The following ZHX2 variants were observed in gnomAD, a reference collection of about 807,000 sequenced individuals.
ZHX2 encodes zinc fingers and homeoboxes protein 2.
Under a neutral mutation model 21.9 loss-of-function variants are expected in ZHX2, and 6 were observed. The ratio of observed to expected loss-of-function variants is 0.27; its 90% CI spans 0.15 to 0.54. The LOEUF is 0.54. Ranked by LOEUF, ZHX2 falls within the 20% of genes least tolerant of loss-of-function variation. The pLI, the probability that ZHX2 is intolerant of heterozygous loss-of-function variation, is 0.95. For synonymous variants in ZHX2, 434 were observed against 437.1 expected (o/e 0.99, Z 0.09); for missense variants, 908 against 1,090.7 (o/e 0.83, Z 2.36).
intron 1 of ZHX2, among the ~76,000 whole-genome samples, chr8:122,826,009 C>T (rs967828579): frequency 9.9e-5 from 15 of 152,138 alleles, no homozygotes; most frequent in African/African-American, 3.4e-4. Flanking sequence ...AAAAGAAGCC[C>T]ATTATTCCCG....
intron 2 of ZHX2, among the ~76,000 whole-genome samples, chr8:122,900,731 C>T (rs983504382): frequency 4.6e-5 from 7 of 152,132 alleles, no homozygotes; most frequent in African/African-American, 1.7e-4. Context: ...TCACATAGTA[C>T]CACTGAGTAT....
At chr8:122,827,843 G>A (rs916942401) in intron 1 of ZHX2, among the ~76,000 whole-genome samples, 5 of 152,230 alleles carry the variant, frequency 3.3e-5, no homozygotes, top group African/African-American at 7.2e-5. Context: ...TGGATGCAGT[G>A]GCTCATGGCT....
intron 2 of ZHX2, among the ~76,000 whole-genome samples, chr8:122,930,430 C>T (rs1820955874): frequency 6.6e-6 from 1 of 152,196 alleles, no homozygotes; most frequent in African/African-American, 2.4e-5. Context: ...AATTAAAAAT[C>T]ATGCCTTTTT....
intron 2 of ZHX2, among the ~76,000 whole-genome samples, chr8:122,917,032 C>A (rs749302723): frequency 6.6e-6 from 1 of 152,116 alleles, no homozygotes; most frequent in African/African-American, 2.4e-5. Flanking sequence ...TGTCCCCAGT[C>A]CCCCCCACCA....
Position 122,782,634 on chromosome 8 carries a change from G to A in ZHX2, c.-283+688G>A, listed in dbSNP as rs1379861268. On this transcript the variant is annotated intron_variant, in intron 1 of 3. Coordinates refer to ENST00000314393, the MANE Select transcript of ZHX2 (RefSeq NM_014943.5). The surrounding 1 kb of genome is among the most constrained non-coding windows in gnomAD (Gnocchi z 5.3). ...CTCCCGGCGGCTGCAGGCAGCGGGC[G>A]CGCAGCGCGGGCGGCAGCCGAGCTA... Among the ~76,000 whole-genome samples, 1 of 152,168 alleles carries A rather than the reference G, an allele frequency of 6.6e-6. No individual in the cohort carries two copies. The highest frequency in any genetic ancestry group is 1.5e-5 in the Non-Finnish European group (1 of 68,002).
Position 122,951,299 on chromosome 8 carries a change from G to C in ZHX2, c.-212G>C, listed in dbSNP as rs1563600599. ...CTTTGTTCTTGTCCACAGATATGAT[G>C]CTTCCTGGTGTGTTTAGTGGTTGGT... is the stretch of plus-strand genomic sequence containing the variant. On this transcript the variant is annotated 5_prime_UTR_variant, in exon 3 of 4. The change abolishes an upstream ATG in the 5' untranslated region. Coordinates refer to ENST00000314393, the MANE Select transcript of ZHX2 (RefSeq NM_014943.5). 1 of 560,822 alleles carries C rather than the reference G, an allele frequency of 1.8e-6. No homozygotes were observed. The highest frequency in any genetic ancestry group is 1.9e-5 in the African/African-American group (1 of 53,324). 34.7% of individuals were successfully genotyped at this position (560,822 alleles called of 1,614,324 possible). A position where few individuals can be genotyped will look rare whatever the true frequency, so the allele number is the denominator to read the frequency against.
At position 122,953,436 on chromosome 8, in the gene ZHX2, C is replaced by T. The variant is rs1462543066; in HGVS notation, c.1926C>T (p.Leu642=). The part of the protein sequence containing the change: ...AIAKSQEQVH[L]LRSTFARTQW... ...CAAAAAGTCAAGAACAGGTTCATCT[C>T]CTGAGGAGCACGTTTGCAAGAACCC... Residue 642 remains leucine (L), a synonymous_variant, in exon 3 of 4, where the codon CTC becomes CTT. Coordinates refer to ENST00000314393, the MANE Select transcript of ZHX2 (RefSeq NM_014943.5). This position sits in a 1 kb window ranked among gnomAD's most constrained non-coding sequence, Gnocchi z 4.6. The T allele has an allele frequency of 5.0e-5, 80 of 1,614,098 alleles. No individual in the cohort carries two copies. The Admixed American group carries it at 1.3e-3, about 26-fold the overall frequency.
chr8:122,787,288 C>G (rs1817416421), intron 1 of ZHX2, among the ~76,000 whole-genome samples: 1 of 152,220 alleles, frequency 6.6e-6, no homozygotes, highest in African/African-American at 2.4e-5. Context: ...CCCTTTCTTC[C>G]TCTTTCTCTC....
rs763769495 is a variant in ZHX2, at chr8:122,953,990, C to T, written c.2480C>T (p.Ser827Phe). The T allele has an allele frequency of 1.9e-6, 3 of 1,609,694 alleles. No homozygotes were observed. Among genetic ancestry groups the T allele is most frequent in the Non-Finnish European group, 2.5e-6 (3 of 1,177,270 alleles). The change falls in exon 3 of 4, where the codon TCC (serine) becomes TTC (phenylalanine). Residue 827 changes from serine to phenylalanine, a missense_variant. Physicochemically the swap from Ser to Phe is radical, Grantham distance 155 (BLOSUM62 -2). Transcript: ENST00000314393. The surrounding 1 kb of genome is among the most constrained non-coding windows in gnomAD (Gnocchi z 4.6). Reference protein sequence around the residue: ...EGVSELAESDSDCVPAEAGQA With the variant: ...EGVSELAESDFDCVPAEAGQA Reference sequence around the variant, plus strand: ...GTGTCGGAACTGGCTGAATCAGACTCCGACTGCGTCCCTGCAGAGGCTGGC... The same window carrying T: ...GTGTCGGAACTGGCTGAATCAGACTTCGACTGCGTCCCTGCAGAGGCTGGC...
intron 2 of ZHX2, among the ~76,000 whole-genome samples, chr8:122,884,035 A>T (rs552192505): frequency 1.3e-5 from 2 of 152,358 alleles, no homozygotes; most frequent in South Asian, 4.1e-4. Flanking sequence ...ATAGCCAACT[A>T]CACACCTAGG....
At chr8:122,887,649 A>T (rs1045224090) in intron 2 of ZHX2, among the ~76,000 whole-genome samples, 6 of 152,258 alleles carry the variant, frequency 3.9e-5, no homozygotes, top group Non-Finnish European at 7.3e-5. Context: ...TGTGCTAAAA[A>T]TTAGAAATAA....
chr8:122,911,607 A>C (rs1586382121), intron 2 of ZHX2, among the ~76,000 whole-genome samples: 1 of 152,198 alleles, frequency 6.6e-6, no homozygotes, highest in Non-Finnish European at 1.5e-5. Flanking sequence ...ATGTTTATTG[A>C]GGGTCTCCTC....
chr8:122,901,412 A>AT (rs1197654494), intron 2 of ZHX2, among the ~76,000 whole-genome samples: 1 of 152,190 alleles, frequency 6.6e-6, no homozygotes, highest in Admixed American at 6.5e-5. Context: ...AGAAATCTGC[A>AT]TTTTAATAAG....
rs773728391 is a variant in ZHX2 at position 122,953,970 on chromosome 8, G to T, written c.2460G>T (p.Ser820=). ...GTCAGGCTGCGGCAGAAGGTGTGTC[G>T]GAACTGGCTGAATCAGACTCCGACT... is the stretch of plus-strand genomic sequence containing the variant. ...SWSQAAAEGV[S]ELAESDSDCV... is the part of the protein sequence containing the mutation. The change falls in exon 3 of 4, where the codon TCG becomes TCT. Residue 820 remains serine, a synonymous_variant. Coordinates refer to ENST00000314393, the MANE Select transcript of ZHX2 (RefSeq NM_014943.5). The surrounding 1 kb of genome is among the most constrained non-coding windows in gnomAD (Gnocchi z 4.6). The T allele has an allele frequency of 4.3e-6, 7 of 1,613,298 alleles. No individual in the cohort carries two copies. In the East Asian group the frequency reaches 1.6e-4, roughly 36 times the overall value.
chr8:122,843,485 T>C (rs1215305556), intron 1 of ZHX2, among the ~76,000 whole-genome samples: 3 of 152,236 alleles, frequency 2.0e-5, no homozygotes, highest in Non-Finnish European at 4.4e-5. Flanking sequence ...CCACAAATTG[T>C]ATCCTACTGG....
intron 1 of ZHX2, among the ~76,000 whole-genome samples, chr8:122,844,602 G>A (rs1290950699): frequency 1.3e-5 from 2 of 152,212 alleles, no homozygotes; most frequent in Admixed American, 1.3e-4. Context: ...GACGAGGGAG[G>A]TAGAAGGAGG....
chr8:122,819,614 A>G (rs1299022077), intron 1 of ZHX2, among the ~76,000 whole-genome samples: 1 of 152,206 alleles, frequency 6.6e-6, no homozygotes, highest in African/African-American at 2.4e-5. Flanking sequence ...CAAGAAACCA[A>G]AGTAGAATTG....
rs746059807 is a variant in ZHX2, at chr8:122,952,638, G to C, written c.1128G>C (p.Leu376=). The change falls in exon 3 of 4, where the codon CTG becomes CTC. Residue 376 remains leucine, a synonymous_variant. Coordinates refer to ENST00000314393, the MANE Select transcript of ZHX2 (RefSeq NM_014943.5). This position sits in a 1 kb window ranked among gnomAD's most constrained non-coding sequence, Gnocchi z 6.9. ...GCCAGATCCTCGGCCAGACTAGCCT[G>C]GTGCTGACTCAGGTGACCAGCGGGT... ...LPCQILGQTS[L]VLTQVTSGST... is the part of the protein sequence containing the mutation. 6.2e-7 allele frequency: 1 copy of C among 1,614,168 alleles called. No individual in the cohort carries two copies. The highest frequency in any genetic ancestry group is 8.5e-7 in the Non-Finnish European group (1 of 1,180,048).
chr8:122,823,759 G>A (rs1470974233), intron 1 of ZHX2, among the ~76,000 whole-genome samples: 2 of 152,198 alleles, frequency 1.3e-5, no homozygotes, highest in Admixed American at 6.5e-5. Flanking sequence ...GCTCTGAGGG[G>A]TCTTCCCAGA....
Sources: allele counts gnomAD v4.1 joint callset (sites outside exome capture counted in the v4.1 genomes callset), GRCh38; gene constraint gnomAD v4.1.1; non-coding constraint Gnocchi (gnomAD v3.1); transcripts MANE v1.5; gene names NCBI Gene and HGNC (gene_info 2026-07-23, HGNC 2026-07-21).